The following CLVS1 variants were observed in gnomAD, a reference collection of about 807,000 sequenced individuals.
CLVS1 encodes clavesin 1.
A neutral mutation model predicts 33.1 loss-of-function variants in CLVS1; 10 were observed. That is an observed-to-expected ratio of 0.30 (90% CI 0.19 to 0.51). The LOEUF (loss-of-function observed/expected upper bound fraction) is 0.51. Among genes scored for constraint, CLVS1 ranks in the 20% least tolerant of loss-of-function variants. CLVS1 has a pLI of 0.97. For synonymous variants in CLVS1, 163 were observed against 166.1 expected, an observed-to-expected ratio of 0.98 and a Z score of 0.14; for missense variants, 343 against 433.4, an observed-to-expected ratio of 0.79 and a Z score of 1.85.
At chr8:61,430,846 G>A (rs934723118) in intron 3 of CLVS1, among the ~76,000 whole-genome samples, 1 of 152,186 alleles carries the variant, frequency 6.6e-6, no homozygotes, top group Non-Finnish European at 1.5e-5. Context: ...GACTCCTCAG[G>A]AGGTTCAGTT....
At chr8:61,378,679 TTG>T (rs1813746466) in intron 3 of CLVS1, among the ~76,000 whole-genome samples, 3 of 152,190 alleles carry the variant, frequency 2.0e-5, no homozygotes, top group African/African-American at 7.2e-5. Flanking sequence ...GCTTGTTGAC[TTG>T]GCCATGCTGA....
chr8:61,111,885 A>T (rs1312479665), intron 1 of CLVS1, among the ~76,000 whole-genome samples: 1 of 152,172 alleles, frequency 6.6e-6, no homozygotes, highest in Non-Finnish European at 1.5e-5. Context: ...TTTTGCAGAA[A>T]ATTGGCATTT....
At chr8:61,068,679 C>T (rs1433463616) in intron 1 of CLVS1, among the ~76,000 whole-genome samples, 1 of 152,276 alleles carries the variant, frequency 6.6e-6, no homozygotes, top group African/African-American at 2.4e-5. Flanking sequence ...AATTTACCTA[C>T]ACCCATGTCC....
chr8:61,405,543 G>A (rs1814952677), intron 3 of CLVS1, among the ~76,000 whole-genome samples: 1 of 152,134 alleles, frequency 6.6e-6, no homozygotes, highest in Non-Finnish European at 1.5e-5. Flanking sequence ...AGAGGCCAAG[G>A]CAGGAGGATC....
chr8:61,281,656 T>C (rs1427833013), intron 2 of CLVS1, among the ~76,000 whole-genome samples: 1 of 152,066 alleles, frequency 6.6e-6, no homozygotes, highest in Non-Finnish European at 1.5e-5. Context: ...GTACAGAGAG[T>C]GCCCTTCCAT....
chr8:61,213,724 G>A (rs1323292595), intron 2 of CLVS1, among the ~76,000 whole-genome samples: 1 of 152,052 alleles, frequency 6.6e-6, no homozygotes, highest in Non-Finnish European at 1.5e-5. Context: ...TGCATTAATT[G>A]CACAAATTGT....
chr8:61,410,795 C>T (rs977127146), intron 3 of CLVS1, among the ~76,000 whole-genome samples: 1 of 152,154 alleles, frequency 6.6e-6, no homozygotes, highest in Admixed American at 6.5e-5. Context: ...GCGTGAACCA[C>T]CACAACCAGC....
At chr8:61,347,030 G>A (rs1009799821) in intron 2 of CLVS1, among the ~76,000 whole-genome samples, 8 of 152,162 alleles carry the variant, frequency 5.3e-5, no homozygotes, top group Non-Finnish European at 8.8e-5. Flanking sequence ...AGTTTGAGTA[G>A]AGAATAATCC....
At chr8:61,203,579 A>G (rs775375329) in intron 2 of CLVS1, among the ~76,000 whole-genome samples, 1 of 152,190 alleles carries the variant, frequency 6.6e-6, no homozygotes. Flanking sequence ...AGGTCTTTAA[A>G]TAAATGTTGC....
intron 2 of CLVS1, among the ~76,000 whole-genome samples, chr8:61,352,746 A>C (rs1006082702): frequency 2.6e-5 from 4 of 152,028 alleles, no homozygotes; most frequent in African/African-American, 9.7e-5. Flanking sequence ...CAGATTCAAC[A>C]AATGGTGGAT....
intron 3 of CLVS1, among the ~76,000 whole-genome samples, chr8:61,429,788 T>C (rs1315939901): frequency 2.6e-5 from 4 of 152,222 alleles, no homozygotes; most frequent in Non-Finnish European, 5.9e-5. Context: ...ATAAAATACT[T>C]ATAAGAATTT....
intron 2 of CLVS1, among the ~76,000 whole-genome samples, chr8:61,232,272 G>A (rs563230883): frequency 6.6e-6 from 1 of 151,762 alleles, no homozygotes; most frequent in Non-Finnish European, 1.5e-5. Context: ...TCCTGACCTC[G>A]TGATCCGCCC....
chr8:61,462,375 GTTTGTTTTGT>G (rs555190486), intron 5 of CLVS1, among the ~76,000 whole-genome samples: 3 of 152,038 alleles, frequency 2.0e-5, no homozygotes, highest in Non-Finnish European at 2.9e-5. Context: ...TTGTTTGTTT[GTTTGTTTTGT>G]TTTGTTTTGT....
At chr8:61,481,488 A>C (rs10481233) in intron 5 of CLVS1, among the ~76,000 whole-genome samples, 86,151 of 152,024 alleles carry the variant, frequency 0.57, 27,986 homozygotes, top group Non-Finnish European at 0.72. Context: ...AAAATCTGGA[A>C]ACTCCTACCC....
intron 2 of CLVS1, among the ~76,000 whole-genome samples, chr8:61,209,225 G>C (rs1209136570): frequency 6.6e-6 from 1 of 152,198 alleles, no homozygotes; most frequent in East Asian, 1.9e-4. Flanking sequence ...GTGTAAGGCA[G>C]GCTCAGGGGC....
At chr8:61,391,515 A>G (rs565608446) in intron 3 of CLVS1, among the ~76,000 whole-genome samples, 26 of 152,326 alleles carry the variant, frequency 1.7e-4, no homozygotes, top group African/African-American at 5.8e-4. Flanking sequence ...GAGAATTCTA[A>G]AGTACATAGT....
chr8:61,392,600 G>C (rs897156307), intron 3 of CLVS1, among the ~76,000 whole-genome samples: 3 of 152,088 alleles, frequency 2.0e-5, no homozygotes, highest in Non-Finnish European at 4.4e-5. Context: ...GCTCACACCT[G>C]TAATCCCAGC....
chr8:61,011,739 GCCCAGC>G, the CLVS1 span, among the ~76,000 whole-genome samples: 1 of 152,150 alleles, frequency 6.6e-6, no homozygotes, highest in Non-Finnish European at 1.5e-5. Flanking sequence ...GAACCACCTT[GCCCAGC>G]CCATGTCTCA....
the CLVS1 span, among the ~76,000 whole-genome samples, chr8:61,026,025 C>G: frequency 1.3e-5 from 2 of 151,798 alleles, no homozygotes; most frequent in African/African-American, 2.4e-5. Context: ...TGTCCCACCC[C>G]CCTTCCCTCC....
Sources: gnomAD v4.1 joint callset for allele counts (sites outside exome capture counted in the v4.1 genomes callset) on GRCh38, gnomAD v4.1.1 for gene constraint, MANE v1.5 for transcripts, NCBI Gene and HGNC (gene_info 2026-07-23, HGNC 2026-07-21) for gene names.